Variants in KCNC1 observed in about 807,000 individuals in gnomAD.
KCNC1 encodes the protein potassium voltage-gated channel subfamily C member 1.
A neutral mutation model predicts 43.4 loss-of-function variants in KCNC1; 8 were observed. The observed-to-expected ratio is 0.18, with a 90% confidence interval of 0.11 to 0.33. KCNC1 has a LOEUF of 0.33. Among genes scored for constraint, KCNC1 ranks in the 10% least tolerant of loss-of-function variants. The probability of loss-of-function intolerance (pLI) is 1.00; values close to 1 mark genes in which losing one functional copy is unlikely to be tolerated. For missense variants in KCNC1, 420 were observed against 836.0 expected, an observed-to-expected ratio of 0.50 and a Z score of 6.14; for synonymous variants, 361 against 360.5, an observed-to-expected ratio of 1.00 and a Z score of -0.01.
chr11:17,780,158 G>T lies in KCNC1; in HGVS notation c.1693+514G>T, dbSNP rs141102441. On this transcript the variant is annotated intron_variant, in intron 3 of 3. Coordinates refer to ENST00000265969, the MANE Select transcript of KCNC1 (RefSeq NM_001112741.2). ...GAGGGAGGAGAGGCAAGAAGAGAGA[G>T]ATGTCTTCAGGGCTTGGGGGTAAGG... 9.9e-4 allele frequency: 152 copies of T among 152,908 alleles called. 1 individual carries two copies. Among genetic ancestry groups the T allele is most frequent in the Non-Finnish European group, 1.7e-3 (118 of 68,412 alleles). 9.5% of individuals were successfully genotyped at this position (152,908 alleles called of 1,614,324 possible).
intron 1 of KCNC1, among the ~76,000 whole-genome samples, chr11:17,747,791 C>T (rs1848917401): frequency 6.6e-6 from 1 of 152,150 alleles, no homozygotes; most frequent in Non-Finnish European, 1.5e-5. Context: ...GCGTCGGATG[C>T]CCCTTCCACC....
At chr11:17,746,769 C>T (rs2133784238) in intron 1 of KCNC1, among the ~76,000 whole-genome samples, 1 of 152,252 alleles carries the variant, frequency 6.6e-6, no homozygotes, top group African/African-American at 2.4e-5. Context: ...GGAATATGAC[C>T]TGGAGCCCCT....
intron 1 of KCNC1, among the ~76,000 whole-genome samples, chr11:17,767,646 C>T (rs1417286234): frequency 6.6e-6 from 1 of 152,230 alleles, no homozygotes; most frequent in East Asian, 1.9e-4. Flanking sequence ...TCTTCCTCCA[C>T]AGCACTCTAA....
chr11:17,754,010 CTG>C (rs1390630269), intron 1 of KCNC1, among the ~76,000 whole-genome samples: 1 of 152,218 alleles, frequency 6.6e-6, no homozygotes, highest in African/African-American at 2.4e-5. Flanking sequence ...GAAAGGAACT[CTG>C]TGACCTTGTG....
chr11:17,755,948 T>TG (rs1459980720), intron 1 of KCNC1, among the ~76,000 whole-genome samples: 1 of 151,992 alleles, frequency 6.6e-6, no homozygotes, highest in African/African-American at 2.4e-5. Context: ...CGATAGAGAC[T>TG]GGGGAGAAGA....
intron 2 of KCNC1, among the ~76,000 whole-genome samples, chr11:17,778,217 C>G (rs1849306367): frequency 1.3e-5 from 2 of 152,348 alleles, no homozygotes; most frequent in South Asian, 4.1e-4. Context: ...TCAGGGCTAC[C>G]TCTGTCAGCT....
chr11:17,768,590 T>A (rs1849181691), intron 1 of KCNC1, among the ~76,000 whole-genome samples: 1 of 109,614 alleles, frequency 9.1e-6, no homozygotes, highest in African/African-American at 3.3e-5. Context: ...GAACAGGGAG[T>A]ACAGTGGAGA....
intron 1 of KCNC1, among the ~76,000 whole-genome samples, chr11:17,768,621 G>GGT (rs1554991061): frequency 1.3e-5 from 2 of 151,766 alleles, no homozygotes; most frequent in Non-Finnish European, 2.9e-5. Flanking sequence ...GTGGGGGGGG[G>GGT]GGCGGTTTGG....
intron 1 of KCNC1, among the ~76,000 whole-genome samples, chr11:17,762,051 C>T (rs551169412): frequency 4.3e-4 from 65 of 152,326 alleles, no homozygotes; most frequent in Non-Finnish European, 7.8e-4. Context: ...AATCCAGAGA[C>T]AGCTCCTCCG....
At chr11:17,775,622 C>G (rs917482710) in intron 2 of KCNC1, 109 of 985,552 alleles carry the variant, frequency 1.1e-4, no homozygotes, top group Non-Finnish European at 1.2e-4. Flanking sequence ...CCAGACCGCC[C>G]ACTCTGGACA....
intron 1 of KCNC1, among the ~76,000 whole-genome samples, chr11:17,741,276 G>C (rs145311715): frequency 7.4e-6 from 1 of 135,374 alleles, no homozygotes; most frequent in East Asian, 2.2e-4. Context: ...TCAGAGCCCT[G>C]CAGCCCCTTC....
In KCNC1 at chr11:17,736,611, A is replaced by G; in HGVS notation, c.570+39A>G. On this transcript the variant is annotated intron_variant, in intron 1 of 3. Coordinates refer to ENST00000265969, the MANE Select transcript of KCNC1 (RefSeq NM_001112741.2). This position sits in a 1 kb window ranked among gnomAD's most constrained non-coding sequence, Gnocchi z 9.3. ...TACCCATCAGAAGAGCGGGGCGGGA[A>G]GGCAGCGTCCTGTGCCTCCCCGCGG... 1 of 1,458,314 alleles carries G rather than the reference A, an allele frequency of 6.9e-7. No individual in the cohort carries two copies. Among genetic ancestry groups the G allele is most frequent in the Non-Finnish European group, 9.0e-7 (1 of 1,111,744 alleles). 90.3% of individuals were successfully genotyped at this position (1,458,314 alleles called of 1,614,324 possible).
chr11:17,774,175 G>C, intron 2 of KCNC1: 1 of 985,530 alleles, frequency 1.0e-6, no homozygotes, highest in Non-Finnish European at 1.2e-6. Flanking sequence ...ACATGGCCAG[G>C]GGTCTCCGAG....
At chr11:17,759,395 T>C (rs1336933421) in intron 1 of KCNC1, among the ~76,000 whole-genome samples, 3 of 152,190 alleles carry the variant, frequency 2.0e-5, no homozygotes, top group Non-Finnish European at 2.9e-5. Context: ...TTATCACTCA[T>C]GTGTCTACTG....
intron 2 of KCNC1, chr11:17,775,987 G>T: frequency 1.0e-6 from 1 of 985,400 alleles, no homozygotes; most frequent in Non-Finnish European, 1.2e-6. Context: ...CCATGGAGGG[G>T]GGAGGGAGCT....
chr11:17,775,878 C>T, intron 2 of KCNC1: 5 of 985,562 alleles, frequency 5.1e-6, no homozygotes, highest in Non-Finnish European at 6.0e-6. Context: ...AACCTTGCAG[C>T]CTCTGGGTTA....
rs564318178 is a variant in KCNC1 at position 17,758,075 on chromosome 11, C to T, written c.571-13590C>T. 1.2e-4 allele frequency among the ~76,000 whole-genome samples: 19 copies of T among 152,350 alleles called. No homozygotes were observed. In the South Asian group the frequency reaches 3.5e-3, roughly 28 times the overall value. The stretch of plus-strand genomic sequence containing the variant: ...AACTTCTTTCAAAACTGAAGTCAAT[C>T]CTCTCAAACCCTGCTGCTGCTTTAT... On this transcript the variant is annotated intron_variant, in intron 1 of 3. Transcript: ENST00000265969.
chr11:17,748,242 A>AAGGAGGTGG (rs1848924153), intron 1 of KCNC1, among the ~76,000 whole-genome samples: 1 of 152,076 alleles, frequency 6.6e-6, no homozygotes, highest in African/African-American at 2.4e-5. Flanking sequence ...GAAGGAGGTG[A>AAGGAGGTGG]GGAAGGAGGC....
At chr11:17,751,562 G>A (rs760147579) in intron 1 of KCNC1, among the ~76,000 whole-genome samples, 1 of 152,244 alleles carries the variant, frequency 6.6e-6, no homozygotes, top group Non-Finnish European at 1.5e-5. Context: ...GTACATGTGT[G>A]CAGAAAGTGG....
Sources: allele counts gnomAD v4.1 joint callset (sites outside exome capture counted in the v4.1 genomes callset), GRCh38; gene constraint gnomAD v4.1.1; non-coding constraint Gnocchi (gnomAD v3.1); transcripts MANE v1.5; gene names NCBI Gene and HGNC (gene_info 2026-07-23, HGNC 2026-07-21).